DNAJC18: variants seen among roughly 807,000 people sequenced by gnomAD.
DNAJC18 encodes the protein dnaJ homolog subfamily C member 18.
Under a neutral mutation model 48.6 loss-of-function variants are expected in DNAJC18, and 40 were observed. That is an observed-to-expected ratio of 0.82 (90% CI 0.64 to 1.07). The LOEUF is 1.07. Ranked by LOEUF, DNAJC18 falls within the 50% of genes least tolerant of loss-of-function variation. The pLI, the probability that DNAJC18 is intolerant of heterozygous loss-of-function variation, is 0.00. For missense variants in DNAJC18, 340 were observed against 427.7 expected (o/e 0.79, Z 1.81); for synonymous variants, 135 against 152.2 (o/e 0.89, Z 0.83).
chr5:139,424,447 A>C (rs1355932665), intron 5 of DNAJC18, among the ~76,000 whole-genome samples: 1 of 152,112 alleles, frequency 6.6e-6, no homozygotes, highest in African/African-American at 2.4e-5. Flanking sequence ...AAAATTATGA[A>C]GCCGGAGCGG....
intron 2 of DNAJC18, among the ~76,000 whole-genome samples, chr5:139,436,849 C>T (rs1245624053): frequency 2.0e-5 from 3 of 152,068 alleles, no homozygotes; most frequent in East Asian, 3.9e-4. Context: ...TTTAGTACGT[C>T]GTGTTTTCAT....
At chr5:139,425,345 G>C (rs576867181) in intron 4 of DNAJC18, among the ~76,000 whole-genome samples, 21 of 152,238 alleles carry the variant, frequency 1.4e-4, no homozygotes, top group Admixed American at 3.9e-4. Flanking sequence ...TGTATTTTTA[G>C]TAGAGATGGG....
intron 2 of DNAJC18, among the ~76,000 whole-genome samples, chr5:139,435,348 G>A (rs538808294): frequency 3.0e-4 from 46 of 151,150 alleles, no homozygotes; most frequent in African/African-American, 1.1e-3. Flanking sequence ...GCAAGAATCC[G>A]TCTCAAAAAA....
At chr5:139,426,135 G>C in intron 4 of DNAJC18, 37 bp downstream of exon 4, 1 of 1,591,688 alleles carries the variant, frequency 6.3e-7, no homozygotes, top group East Asian at 2.2e-5. Context: ...CATAAATAAA[G>C]AAATATGTTT....
At chr5:139,419,214 T>C (rs915641935) in intron 7 of DNAJC18, 2 of 440,918 alleles carry the variant, frequency 4.5e-6, no homozygotes, top group Non-Finnish European at 4.5e-6. Context: ...AAAACCAAGT[T>C]TTAGAAGACA....
At chr5:139,426,092 AT>A (rs1230037203) in intron 4 of DNAJC18, 79 bp downstream of exon 4, 2 of 1,446,936 alleles carry the variant, frequency 1.4e-6, no homozygotes, top group African/African-American at 2.8e-5. Flanking sequence ...TTGTACCTCT[AT>A]TCAGATTTTC....
At chr5:139,427,266 AAT>A (rs1298039975) in intron 3 of DNAJC18, among the ~76,000 whole-genome samples, 1 of 152,224 alleles carries the variant, frequency 6.6e-6, no homozygotes, top group Admixed American at 6.5e-5. Flanking sequence ...TCAAAGGCTG[AAT>A]AGTTACATAT....
chr5:139,415,516 T>G (rs1759057987), intron 7 of DNAJC18, among the ~76,000 whole-genome samples: 1 of 152,212 alleles, frequency 6.6e-6, no homozygotes, highest in Non-Finnish European at 1.5e-5. Context: ...TGGCAAGCAG[T>G]GGGTCTCCCA....
chr5:139,417,208 T>A (rs970642779), intron 7 of DNAJC18, among the ~76,000 whole-genome samples: 10 of 148,300 alleles, frequency 6.7e-5, no homozygotes, highest in African/African-American at 2.0e-4. Context: ...AAAAAAAAAA[T>A]TTTCACCCAG....
chr5:139,422,341 C>T (rs112035935), intron 6 of DNAJC18, among the ~76,000 whole-genome samples: 6 of 152,140 alleles, frequency 3.9e-5, no homozygotes, highest in Non-Finnish European at 8.8e-5. Context: ...TACTATGCTC[C>T]GAGACCCACA....
intron 3 of DNAJC18, among the ~76,000 whole-genome samples, chr5:139,427,773 C>T (rs775968927): frequency 6.6e-6 from 1 of 152,170 alleles, no homozygotes; most frequent in Non-Finnish European, 1.5e-5. Context: ...CTAAAACTGT[C>T]CCACCTTTTT....
At chr5:139,429,136 T>G (rs904464722) in intron 2 of DNAJC18, among the ~76,000 whole-genome samples, 10 of 145,820 alleles carry the variant, frequency 6.9e-5, no homozygotes, top group Non-Finnish European at 1.5e-4. Flanking sequence ...TGGGCTGGAG[T>G]GCAATGGCGC....
rs1581414146 is a variant in DNAJC18, at chr5:139,419,298, A to G, written c.952+755T>C. On this transcript the variant is annotated intron_variant, in intron 7 of 7. Transcript: ENST00000302060. ...TGAAGCTGTTGGCTGAGACGGGGCT[A>G]CCCCTGCTGCAGACACTCCTAGTAA... 8.1e-6 allele frequency: 3 copies of G among 370,614 alleles called. No individual in the cohort carries two copies. In the Admixed American group the frequency reaches 1.1e-4, roughly 13 times the overall value. 23.0% of individuals were successfully genotyped at this position (370,614 alleles called of 1,614,324 possible).
Position 139,437,497 on chromosome 5 carries a change from G to A in DNAJC18, c.102C>T (p.Asp34=), listed in dbSNP as rs1319383795. ...TCATGCAGTTACAGCAGCCACAGGGGTCATGACTCTCAGGAGGTGTGTCTT... is the reference window on the plus strand; with the variant it reads ...TCATGCAGTTACAGCAGCCACAGGGATCATGACTCTCAGGAGGTGTGTCTT... ...YPEDTPPESH[D]PCGCCNCMKA... Residue 34 remains aspartate (D), a synonymous_variant, in exon 2 of 8, where the codon GAC becomes GAT. Transcript: ENST00000302060. 2.5e-6 allele frequency: 4 copies of A among 1,614,104 alleles called. No homozygotes were observed. The highest frequency in any genetic ancestry group is 2.2e-5 in the East Asian group (1 of 44,876).
At chr5:139,428,242 C>T (rs1199879655) in intron 3 of DNAJC18, among the ~76,000 whole-genome samples, 1 of 152,096 alleles carries the variant, frequency 6.6e-6, no homozygotes, top group African/African-American at 2.4e-5. Flanking sequence ...ACAAAACATA[C>T]AAAAATTAGC....
chr5:139,415,076 G>A (rs754102715), intron 7 of DNAJC18, among the ~76,000 whole-genome samples: 27 of 152,130 alleles, frequency 1.8e-4, no homozygotes, highest in Non-Finnish European at 2.6e-4. Flanking sequence ...TTAACAGGAT[G>A]GCATGCTTGG....
intron 7 of DNAJC18, among the ~76,000 whole-genome samples, chr5:139,419,442 C>G (rs1759117675): frequency 6.6e-6 from 1 of 152,238 alleles, no homozygotes; most frequent in Non-Finnish European, 1.5e-5. Context: ...CGCTTTTGTT[C>G]TGTGTGGCCA....
intron 2 of DNAJC18, among the ~76,000 whole-genome samples, chr5:139,436,685 T>C (rs141679625): frequency 2.4e-4 from 37 of 151,998 alleles, no homozygotes; most frequent in African/African-American, 8.9e-4. Context: ...TGTATATATA[T>C]ATTTTTTGGA....
At position 139,420,177 on chromosome 5, in the gene DNAJC18, A is replaced by G. The variant is rs116201421; in HGVS notation, c.828T>C (p.Pro276=). Reference sequence around the variant, plus strand: ...TGTCAAAGTTTTTATCCACAAAGTAAGGCACCTGCAGGTTCTGAGTTTCTC... The same window carrying G: ...TGTCAAAGTTTTTATCCACAAAGTAGGGCACCTGCAGGTTCTGAGTTTCTC... ...ISRETQNLQV[P]YFVDKNFDKA... is the part of the protein sequence containing the mutation. The change falls in exon 7 of 8, where the codon CCT becomes CCC. Residue 276 remains proline, a synonymous_variant. Coordinates refer to ENST00000302060, the MANE Select transcript of DNAJC18 (RefSeq NM_152686.4). The G allele has an allele frequency of 2.2e-3, 3,512 of 1,611,752 alleles. 31 individuals carry two copies. Among genetic ancestry groups the G allele is most frequent in the African/African-American group, 0.019 (1,393 of 74,856 alleles).
Sources: gnomAD v4.1 joint callset for allele counts (sites outside exome capture counted in the v4.1 genomes callset) on GRCh38, gnomAD v4.1.1 for gene constraint, MANE v1.5 for transcripts, NCBI Gene and HGNC (gene_info 2026-07-23, HGNC 2026-07-21) for gene names.